Variants in CTNNA2 observed in about 807,000 individuals in gnomAD.
CTNNA2 encodes the protein catenin alpha 2.
A neutral mutation model predicts 101.0 loss-of-function variants in CTNNA2; 42 were observed. The observed-to-expected ratio is 0.42, with a 90% CI of 0.32 to 0.54. CTNNA2 has a LOEUF of 0.54. CTNNA2 is among the 20% of genes least tolerant of loss of function. CTNNA2 has a pLI of 0.14. For missense variants in CTNNA2, 871 were observed against 1,223.1 expected (o/e 0.71, Z 4.29); for synonymous variants, 450 against 456.4 (o/e 0.99, Z 0.18).
At chr2:79,553,711 A>G (rs1453471706) in intron 1 of CTNNA2, among the ~76,000 whole-genome samples, 1 of 152,162 alleles carries the variant, frequency 6.6e-6, no homozygotes, top group Non-Finnish European at 1.5e-5. Flanking sequence ...CATGAGAACA[A>G]CAGGGGGATG....
intron 4 of CTNNA2, among the ~76,000 whole-genome samples, chr2:79,465,524 C>A (rs1670924450): frequency 6.6e-6 from 1 of 152,234 alleles, no homozygotes; most frequent in South Asian, 2.1e-4. Context: ...TGAAGAAAGT[C>A]ATTGGAAGCT....
chr2:79,665,393 C>G (rs961548224), intron 2 of CTNNA2, among the ~76,000 whole-genome samples: 1 of 152,064 alleles, frequency 6.6e-6, no homozygotes, highest in African/African-American at 2.4e-5. Flanking sequence ...CATTTATTAC[C>G]CATAAGACCA....
At chr2:79,356,006 A>C (rs1308664961) in intron 3 of CTNNA2, among the ~76,000 whole-genome samples, 1 of 151,946 alleles carries the variant, frequency 6.6e-6, no homozygotes, top group East Asian at 1.9e-4. Flanking sequence ...AACTCTTTGT[A>C]TAACCACGTA....
chr2:79,420,795 C>A (rs533685528), intron 4 of CTNNA2, among the ~76,000 whole-genome samples: 19 of 152,196 alleles, frequency 1.2e-4, no homozygotes, highest in African/African-American at 4.6e-4. Flanking sequence ...CCTCCCTGAG[C>A]CTTAGACCTC....
At chr2:79,336,249 T>C (rs764199242) in intron 3 of CTNNA2, among the ~76,000 whole-genome samples, 4 of 152,156 alleles carry the variant, frequency 2.6e-5, no homozygotes, top group Non-Finnish European at 5.9e-5. Flanking sequence ...AAAATCATGT[T>C]GTGGTTGATT....
chr2:80,473,628 A>T (rs1665993226), intron 9 of CTNNA2, among the ~76,000 whole-genome samples: 2 of 152,212 alleles, frequency 1.3e-5, no homozygotes, highest in African/African-American at 2.4e-5. Flanking sequence ...AGACTCTGGC[A>T]TGCCTGAGTT....
chr2:80,605,655 C>T (rs1324684851), intron 16 of CTNNA2: 2 of 151,924 alleles, frequency 1.3e-5, no homozygotes, highest in African/African-American at 4.8e-5. Context: ...ACCAAATTCA[C>T]ACACCTTTAA....
At chr2:80,428,700 G>T (rs1475633660) in intron 9 of CTNNA2, among the ~76,000 whole-genome samples, 1 of 152,084 alleles carries the variant, frequency 6.6e-6, no homozygotes, top group East Asian at 1.9e-4. Flanking sequence ...TAAGAGTTTT[G>T]TATGTTCCAG....
At chr2:79,478,398 C>T (rs1671075242) in intron 4 of CTNNA2, among the ~76,000 whole-genome samples, 2 of 152,124 alleles carry the variant, frequency 1.3e-5, no homozygotes, top group African/African-American at 4.8e-5. Context: ...CATTATCTCC[C>T]GGCCAGATTT....
intron 7 of CTNNA2, among the ~76,000 whole-genome samples, chr2:80,001,923 C>T (rs1174768505): frequency 6.6e-6 from 1 of 152,116 alleles, no homozygotes; most frequent in Admixed American, 6.6e-5. Context: ...TTTTGCATAC[C>T]AGAGTTCTGA....
intron 9 of CTNNA2, among the ~76,000 whole-genome samples, chr2:80,495,519 T>C (rs1347881217): frequency 6.6e-6 from 1 of 152,214 alleles, no homozygotes. Context: ...TATTGAAGTA[T>C]TAACCCCCAG....
At chr2:79,950,599 T>C (rs895547566) in intron 7 of CTNNA2, among the ~76,000 whole-genome samples, 1 of 152,196 alleles carries the variant, frequency 6.6e-6, no homozygotes, top group African/African-American at 2.4e-5. Flanking sequence ...GCTAACATAT[T>C]ATACCCTTCG....
chr2:79,297,173 T>G (rs1573049325), intron 2 of CTNNA2, among the ~76,000 whole-genome samples: 1 of 141,866 alleles, frequency 7.0e-6, no homozygotes, highest in East Asian at 1.9e-4. Context: ...ATTTTTTGGT[T>G]TGTCATTTGT....
intron 3 of CTNNA2, among the ~76,000 whole-genome samples, chr2:79,338,139 G>A (rs545267941): frequency 2.3e-4 from 35 of 151,676 alleles, no homozygotes; most frequent in Non-Finnish European, 4.7e-4. Flanking sequence ...TCCATTACTC[G>A]GGAGGCTGAG....
At chr2:79,960,279 A>G (rs1273717886) in intron 7 of CTNNA2, among the ~76,000 whole-genome samples, 1 of 152,232 alleles carries the variant, frequency 6.6e-6, no homozygotes, top group Non-Finnish European at 1.5e-5. Context: ...ACAATTGAGT[A>G]GTGGCCAGTA....
intron 7 of CTNNA2, among the ~76,000 whole-genome samples, chr2:80,374,174 A>T (rs1675709232): frequency 1.3e-5 from 2 of 152,184 alleles, no homozygotes; most frequent in South Asian, 4.1e-4. Context: ...TCATCCAGGT[A>T]GTAAACATAG....
intron 7 of CTNNA2, among the ~76,000 whole-genome samples, chr2:80,139,959 TGG>T (rs1702908247): frequency 6.6e-6 from 1 of 152,194 alleles, no homozygotes. Flanking sequence ...CTCTTCTCAC[TGG>T]GGGTTGAGAC....
At chr2:80,243,111 T>G (rs1486736275) in intron 7 of CTNNA2, among the ~76,000 whole-genome samples, 1 of 152,200 alleles carries the variant, frequency 6.6e-6, no homozygotes, top group Non-Finnish European at 1.5e-5. Flanking sequence ...ATGAATTTCC[T>G]TCTTCAGACA....
chr2:79,966,659 G>A (rs2104554425), intron 7 of CTNNA2, among the ~76,000 whole-genome samples: 1 of 152,310 alleles, frequency 6.6e-6, no homozygotes, highest in South Asian at 2.1e-4. Context: ...CCAATGAAGA[G>A]ATATTCAGAA....
Sources: gnomAD v4.1 joint callset for allele counts (sites outside exome capture counted in the v4.1 genomes callset) on GRCh38, gnomAD v4.1.1 for gene constraint, MANE v1.5 for transcripts, NCBI Gene and HGNC (gene_info 2026-07-23, HGNC 2026-07-21) for gene names.